Variants in MTOR observed in about 807,000 individuals in gnomAD.
MTOR encodes the protein mechanistic target of rapamycin kinase, also known as serine/threonine-protein kinase mTOR.
In MTOR, 70 loss-of-function variants were observed where a neutral mutation model predicts 319.8. That is an observed-to-expected ratio of 0.22 (90% confidence interval 0.18 to 0.27). The LOEUF (loss-of-function observed/expected upper bound fraction) is 0.27, where lower values mean the gene tolerates loss of function less well. MTOR is among the 10% of genes least tolerant of loss of function. The probability of loss-of-function intolerance (pLI) is 1.00; values close to 1 mark genes in which losing one functional copy is unlikely to be tolerated. For missense variants in MTOR, 1,890 were observed against 3,274.4 expected, an observed-to-expected ratio of 0.58 and a Z score of 10.32; for synonymous variants, 1,183 against 1,211.4, an observed-to-expected ratio of 0.98 and a Z score of 0.49.
intron 8 of MTOR, among the ~76,000 whole-genome samples, chr1:11,245,563 T>C (rs1381268235): frequency 6.6e-6 from 1 of 151,886 alleles, no homozygotes; most frequent in African/African-American, 2.4e-5. Context: ...CAAGAAAAAC[T>C]AAGGGGATAG....
chr1:11,240,696 A>T, intron 10 of MTOR, 149 bp from the exon 11 acceptor site: 1 of 1,083,232 alleles, frequency 9.2e-7, no homozygotes, highest in Non-Finnish European at 1.3e-6. Context: ...AAAAGTGTAA[A>T]CTCTCTTGGC....
chr1:11,251,284 G>A (rs897691588), intron 6 of MTOR, among the ~76,000 whole-genome samples: 4 of 152,164 alleles, frequency 2.6e-5, no homozygotes, highest in Admixed American at 2.6e-4. Context: ...ACACCAGCAC[G>A]CTCCTGCCTC....
chr1:11,239,836 C>T (rs926357939), intron 11 of MTOR, among the ~76,000 whole-genome samples: 3 of 149,232 alleles, frequency 2.0e-5, no homozygotes, highest in African/African-American at 5.0e-5. Flanking sequence ...ACCCAGGAGG[C>T]AGAGGTTGCA....
In MTOR at chr1:11,106,734, G is replaced by C. The variant is rs935108636; in HGVS notation, c.*751C>G. ...GTTTTCTGAGCCCTTGCTCTAAACA[G>C]AGTATTTTGACCACTGAAAACATCC... On this transcript the variant is annotated 3_prime_UTR_variant, in exon 58 of 58. Coordinates refer to ENST00000361445, the MANE Select transcript of MTOR (RefSeq NM_004958.4). 15 of 1,227,788 alleles carry C rather than the reference G, an allele frequency of 1.2e-5. No homozygotes were observed. Among genetic ancestry groups the C allele is most frequent in the African/African-American group, 1.1e-4 (7 of 65,786 alleles). The allele number at this position is 1,227,788 out of a possible 1,614,324, so 76.1% of individuals were successfully genotyped here. A position where few individuals can be genotyped will look rare whatever the true frequency, so the allele number is the denominator to read the frequency against.
chr1:11,175,417 T>C (rs893139435), intron 28 of MTOR, among the ~76,000 whole-genome samples: 12 of 152,220 alleles, frequency 7.9e-5, no homozygotes, highest in Admixed American at 4.6e-4. Context: ...GAGCCTCCTT[T>C]CATCAAATTC....
chr1:11,227,287 G>A (rs1646871654), intron 19 of MTOR, among the ~76,000 whole-genome samples: 1 of 82,570 alleles, frequency 1.2e-5, no homozygotes, highest in Non-Finnish European at 2.1e-5. Flanking sequence ...AACAAAGTGA[G>A]ACTTTGTCTC....
chr1:11,238,724 T>C, intron 11 of MTOR, 107 bp from the exon 12 acceptor site: 1 of 915,704 alleles, frequency 1.1e-6, no homozygotes, highest in East Asian at 2.7e-5. Flanking sequence ...AATTCTACTT[T>C]CAACTAGATA....
intron 1 of MTOR, among the ~76,000 whole-genome samples, chr1:11,261,309 CAA>C (rs1161523469): frequency 5.8e-5 from 7 of 121,436 alleles, no homozygotes; most frequent in South Asian, 2.6e-4. Flanking sequence ...ACTAAAAATA[CAA>C]AAAAAAAAAA....
rs756505414 is a variant in MTOR at position 11,204,692 on chromosome 1, A to T, written c.3813T>A (p.Ala1271=). 5.6e-6 allele frequency: 9 copies of T among 1,614,148 alleles called. No homozygotes were observed. The highest frequency in any genetic ancestry group is 6.8e-6 in the Non-Finnish European group (8 of 1,180,002). The part of the protein sequence containing the change: ...STINLQKAWG[A]ARRVSKDDWL... ...AGTCATCTTTGGAGACCCTCCTGGC[A>T]GCGCCCCAGGCCTGTGATCCCACAG... Residue 1271 remains alanine (A), a synonymous_variant, in exon 26 of 58, where the codon GCT becomes GCA. Transcript: ENST00000361445.
At chr1:11,142,449 T>C (rs992730073) in intron 34 of MTOR, among the ~76,000 whole-genome samples, 1 of 152,034 alleles carries the variant, frequency 6.6e-6, no homozygotes, top group Non-Finnish European at 1.5e-5. Context: ...CCACCACGCC[T>C]GGCTAATTTT....
chr1:11,122,271 T>C (rs1173746349), intron 47 of MTOR, 145 bp from the exon 48 acceptor site: 1 of 962,452 alleles, frequency 1.0e-6, no homozygotes, highest in African/African-American at 1.6e-5. Flanking sequence ...TGGCACAATC[T>C]TGGCTCACTG....
Position 11,231,282 on chromosome 1 carries a change from G to A in MTOR, c.2649+18C>T, listed in dbSNP as rs1246241784. The A allele has an allele frequency of 1.9e-6, 3 of 1,613,696 alleles. No homozygotes were observed. Among genetic ancestry groups the A allele is most frequent in the Non-Finnish European group, 2.5e-6 (3 of 1,179,808 alleles). ...TCCCAGCAAAGTCTTTAAAGACCAA[G>A]TTTGCCACGTCCCCTACCTCTCTGC... On this transcript the variant is annotated intron_variant, in intron 17 of 57. Coordinates refer to ENST00000361445, the MANE Select transcript of MTOR (RefSeq NM_004958.4).
intron 25 of MTOR, among the ~76,000 whole-genome samples, chr1:11,208,573 C>T (rs976271950): frequency 1.3e-5 from 2 of 152,236 alleles, no homozygotes; most frequent in African/African-American, 4.8e-5. Context: ...AAGTTGCTTA[C>T]AGTCACCAGA....
chr1:11,144,729 G>A lies in MTOR; in HGVS notation c.4791C>T (p.Ser1597=), dbSNP rs149459628. ...TGTACTGGATAACCTCCTCCAGCTC[G>A]GACAGCATGTGGCAAGAAACCATGG... ...YGAMVSCHML[S]ELEEVIQYKL... is the part of the protein sequence containing the mutation. Residue 1597 remains serine (S), a synonymous_variant, in exon 34 of 58, where the codon TCC becomes TCT. Coordinates refer to ENST00000361445, the MANE Select transcript of MTOR (RefSeq NM_004958.4). The A allele has an allele frequency of 1.7e-5, 27 of 1,613,388 alleles. No individual in the cohort carries two copies. Among genetic ancestry groups the A allele is most frequent in the South Asian group, 8.8e-5 (8 of 91,084 alleles).
chr1:11,216,062 G>GA (rs1646460258), intron 20 of MTOR, 86 bp downstream of exon 20: 12 of 924,704 alleles, frequency 1.3e-5, no homozygotes, highest in African/African-American at 3.4e-5. Flanking sequence ...AAAGATCCGT[G>GA]AAAAAAAGTC....
chr1:11,246,868 T>C (rs1038705759), intron 8 of MTOR, among the ~76,000 whole-genome samples: 2 of 152,190 alleles, frequency 1.3e-5, no homozygotes, highest in Non-Finnish European at 2.9e-5. Flanking sequence ...CAAAACATAT[T>C]TGAAGTAGCT....
intron 25 of MTOR, among the ~76,000 whole-genome samples, chr1:11,207,787 T>A (rs934961084): frequency 6.6e-6 from 1 of 152,148 alleles, no homozygotes; most frequent in Non-Finnish European, 1.5e-5. Context: ...TGAGCCACCA[T>A]GCCCAGCTCC....
chr1:11,125,749 G>C (rs1211959117), intron 46 of MTOR, among the ~76,000 whole-genome samples: 4 of 131,786 alleles, frequency 3.0e-5, no homozygotes, highest in Non-Finnish European at 6.6e-5. Flanking sequence ...AAAAAAAAAA[G>C]AGCAAGAGGT....
intron 28 of MTOR, among the ~76,000 whole-genome samples, chr1:11,181,677 G>C (rs1263504140): frequency 6.6e-6 from 1 of 152,188 alleles, no homozygotes; most frequent in Non-Finnish European, 1.5e-5. Flanking sequence ...CTACAGCGAA[G>C]ACCTCACCAC....
Sources: gnomAD v4.1 joint callset for allele counts (sites outside exome capture counted in the v4.1 genomes callset) on GRCh38, gnomAD v4.1.1 for gene constraint, MANE v1.5 for transcripts, NCBI Gene and HGNC (gene_info 2026-07-23, HGNC 2026-07-21) for gene names.